Variants in STYK1 observed in about 807,000 individuals in gnomAD.
STYK1 encodes STY kinase 1, also known as tyrosine-protein kinase STYK1.
A neutral mutation model predicts 48.1 loss-of-function variants in STYK1; 46 were observed. The ratio of observed to expected loss-of-function variants is 0.96; its 90% CI spans 0.75 to 1.22. The LOEUF (loss-of-function observed/expected upper bound fraction) is 1.22. Among genes scored for constraint, STYK1 ranks in the 50% most tolerant of loss-of-function variants. STYK1 has a pLI of 0.00. For synonymous variants in STYK1, 188 were observed against 189.0 expected (o/e 0.99, Z 0.04); for missense variants, 527 against 521.1 (o/e 1.01, Z -0.11).
intron 1 of STYK1, among the ~76,000 whole-genome samples, chr12:10,650,184 A>G: frequency 6.6e-6 from 1 of 151,040 alleles, no homozygotes; most frequent in Non-Finnish European, 1.5e-5. Flanking sequence ...TGCTTGCTAA[A>G]GGCATTATCT....
At chr12:10,653,772 C>T (rs1416267435) in intron 1 of STYK1, among the ~76,000 whole-genome samples, 2 of 152,184 alleles carry the variant, frequency 1.3e-5, no homozygotes, top group Non-Finnish European at 2.9e-5. Context: ...CTGCTACCCT[C>T]ATGGATTCTT....
rs1391257004 is a variant in STYK1 at position 10,672,806 on chromosome 12, A to G, written c.-195+1160T>C. On this transcript the variant is annotated intron_variant, in intron 1 of 10. Transcript: ENST00000075503. This position sits in a 1 kb window ranked among gnomAD's most constrained non-coding sequence, Gnocchi z 4.0. ...ACTCACACAGTAATGGAGGCACTGA[A>G]CGAAAAAGTATATGATTTTCATTGA... 6.6e-6 allele frequency among the ~76,000 whole-genome samples: 1 copy of G among 152,198 alleles called. No individual in the cohort carries two copies. The highest frequency in any genetic ancestry group is 1.9e-4 in the East Asian group (1 of 5,198).
At position 10,620,073 on chromosome 12, in the gene STYK1, A is replaced by G; in HGVS notation, c.*71T>C. The G allele has an allele frequency of 1.3e-6, 2 of 1,544,000 alleles. No homozygotes were observed. Among genetic ancestry groups the G allele is most frequent in the Non-Finnish European group, 8.9e-7 (1 of 1,118,760 alleles). ...TCCCTTTGTGTCCCTGGGAAAGACC[A>G]TTCTCTGTTCTTAGAGGAATTGATT... On this transcript the variant is annotated 3_prime_UTR_variant, in exon 11 of 11. Transcript: ENST00000075503.
chr12:10,632,680 G>C (rs550188166), intron 4 of STYK1, among the ~76,000 whole-genome samples: 2 of 152,358 alleles, frequency 1.3e-5, no homozygotes, highest in South Asian at 4.1e-4. Flanking sequence ...GGAATGTTAA[G>C]AGTGTGTTGC....
At chr12:10,667,866 G>A (rs537501506) in intron 1 of STYK1, among the ~76,000 whole-genome samples, 23 of 152,208 alleles carry the variant, frequency 1.5e-4, no homozygotes, top group Admixed American at 7.2e-4. Context: ...CAATATGATA[G>A]GGCTGAACTC....
intron 1 of STYK1, among the ~76,000 whole-genome samples, chr12:10,640,366 T>G (rs149202940): frequency 7.9e-5 from 12 of 152,302 alleles, no homozygotes; most frequent in African/African-American, 2.9e-4. Context: ...GTGATTCTTT[T>G]TAAATCCAGA....
intron 1 of STYK1, among the ~76,000 whole-genome samples, chr12:10,655,585 C>G (rs893558927): frequency 1.3e-5 from 2 of 152,204 alleles, no homozygotes; most frequent in Admixed American, 6.5e-5. Context: ...ATCCCCTCCC[C>G]CCATGAACAA....
At chr12:10,642,860 T>C (rs746119600) in intron 1 of STYK1, among the ~76,000 whole-genome samples, 1 of 152,180 alleles carries the variant, frequency 6.6e-6, no homozygotes, top group Non-Finnish European at 1.5e-5. Context: ...GAATGCTAGA[T>C]AGTGGTATGG....
chr12:10,665,937 T>C (rs1947829416), intron 1 of STYK1, among the ~76,000 whole-genome samples: 1 of 152,206 alleles, frequency 6.6e-6, no homozygotes, highest in Non-Finnish European at 1.5e-5. Context: ...ATTTGTGGAA[T>C]CTGCGAATAA....
At chr12:10,644,574 A>C (rs1947579462) in intron 1 of STYK1, among the ~76,000 whole-genome samples, 1 of 152,228 alleles carries the variant, frequency 6.6e-6, no homozygotes, top group Non-Finnish European at 1.5e-5. Context: ...TGCAGGTGAT[A>C]ATAAATACAT....
intron 1 of STYK1, among the ~76,000 whole-genome samples, chr12:10,651,004 C>T (rs1176574025): frequency 8.4e-6 from 1 of 118,528 alleles, no homozygotes; most frequent in Admixed American, 8.4e-5. Flanking sequence ...GACTCCTTCT[C>T]AAAAAAAAAA....
intron 1 of STYK1, among the ~76,000 whole-genome samples, chr12:10,639,443 C>T (rs1947520496): frequency 1.3e-5 from 2 of 151,044 alleles, no homozygotes; most frequent in African/African-American, 4.9e-5. Flanking sequence ...GATGGAGTCT[C>T]GCTGTTGTGG....
rs1865869631 is a variant in STYK1 at position 10,619,396 on chromosome 12, G to C, written c.*748C>G. ...GAATTCTTTTCACTGTTCTAACATT[G>C]ACTCTCTAGGCTTAGTCTCCTTAGT... On this transcript the variant is annotated 3_prime_UTR_variant, in exon 11 of 11. Coordinates refer to ENST00000075503, the MANE Select transcript of STYK1 (RefSeq NM_018423.3). 6.6e-6 allele frequency: 1 copy of C among 151,500 alleles called. No individual in the cohort carries two copies. The highest frequency in any genetic ancestry group is 1.5e-5 in the Non-Finnish European group (1 of 67,888). The allele number at this position is 151,500 out of a possible 1,614,324, so 9.4% of individuals were successfully genotyped here.
chr12:10,662,401 T>C (rs528904114), intron 1 of STYK1, among the ~76,000 whole-genome samples: 37 of 152,376 alleles, frequency 2.4e-4, no homozygotes, highest in African/African-American at 7.2e-4. Context: ...ATTGCTGATA[T>C]GGTAACTCTA....
At chr12:10,642,409 G>A (rs547086138) in intron 1 of STYK1, among the ~76,000 whole-genome samples, 6 of 152,178 alleles carry the variant, frequency 3.9e-5, no homozygotes, top group Non-Finnish European at 8.8e-5. Flanking sequence ...ACCTACCAGG[G>A]TTGTTGAGAG....
intron 7 of STYK1, among the ~76,000 whole-genome samples, chr12:10,625,598 A>G (rs996000434): frequency 2.0e-5 from 3 of 152,206 alleles, no homozygotes; most frequent in Non-Finnish European, 4.4e-5. Flanking sequence ...ATGTATATAC[A>G]TATCTCACTT....
Position 10,619,483 on chromosome 12 carries a change from A to G in STYK1, c.*661T>C, listed in dbSNP as rs1865870882. Reference sequence around the variant, plus strand: ...CATGTTGAATGTTCTTAATCATGAAATGACTCCTCCACCTTCTAATTAAAC... The same window carrying G: ...CATGTTGAATGTTCTTAATCATGAAGTGACTCCTCCACCTTCTAATTAAAC... On this transcript the variant is annotated 3_prime_UTR_variant, in exon 11 of 11. Coordinates refer to ENST00000075503, the MANE Select transcript of STYK1 (RefSeq NM_018423.3). The G allele has an allele frequency of 6.6e-6, 1 of 152,336 alleles. No individual in the cohort carries two copies. The highest frequency in any genetic ancestry group is 2.4e-5 in the African/African-American group (1 of 41,460). The allele number at this position is 152,336 out of a possible 1,614,324, so 9.4% of individuals were successfully genotyped here.
intron 1 of STYK1, among the ~76,000 whole-genome samples, chr12:10,667,000 C>G (rs1319311798): frequency 6.6e-6 from 1 of 152,116 alleles, no homozygotes; most frequent in Non-Finnish European, 1.5e-5. Flanking sequence ...TTCCCTTAAA[C>G]CTTTGGCATT....
chr12:10,653,907 T>C (rs1001395897), intron 1 of STYK1, among the ~76,000 whole-genome samples: 4 of 152,174 alleles, frequency 2.6e-5, no homozygotes, highest in African/African-American at 7.2e-5. Flanking sequence ...TGAGATCTAC[T>C]AGGTTGCATT....
Sources: allele counts gnomAD v4.1 joint callset (sites outside exome capture counted in the v4.1 genomes callset), GRCh38; gene constraint gnomAD v4.1.1; non-coding constraint Gnocchi (gnomAD v3.1); transcripts MANE v1.5; gene names NCBI Gene and HGNC (gene_info 2026-07-23, HGNC 2026-07-21).